The following MAP2K5 variants were observed in gnomAD, a reference collection of about 807,000 sequenced individuals.
MAP2K5 encodes mitogen-activated protein kinase kinase 5.
In MAP2K5, 49 loss-of-function variants were observed where a neutral mutation model predicts 83.1. The ratio of observed to expected loss-of-function variants is 0.59; its 90% CI spans 0.47 to 0.75. The LOEUF (loss-of-function observed/expected upper bound fraction) is 0.75. Among genes scored for constraint, MAP2K5 ranks in the 30% least tolerant of loss-of-function variants. The pLI, the probability that MAP2K5 is intolerant of heterozygous loss-of-function variation, is 0.00. For synonymous variants in MAP2K5, 202 were observed against 191.8 expected (o/e 1.05, Z -0.44); for missense variants, 457 against 557.5 (o/e 0.82, Z 1.82).
At chr15:67,695,308 AC>A (rs1182717596) in intron 15 of MAP2K5, among the ~76,000 whole-genome samples, 1 of 152,150 alleles carries the variant, frequency 6.6e-6, no homozygotes, top group Non-Finnish European at 1.5e-5. Context: ...CTTATTCTAA[AC>A]CTAATTCTAA....
chr15:67,694,306 T>C (rs1173869123), intron 15 of MAP2K5, among the ~76,000 whole-genome samples: 1 of 152,204 alleles, frequency 6.6e-6, no homozygotes, highest in Non-Finnish European at 1.5e-5. Context: ...CAAAGTTTTG[T>C]CTTCCTCTAA....
rs1304479318 is a variant in MAP2K5, at chr15:67,717,736, A to C, written c.1045-10180A>C. ...CAAGATGACTTCATATGCGTGTATGATGCTTTGGTGGGGATGGCCAGGAGT... is the reference window on the plus strand; with the variant it reads ...CAAGATGACTTCATATGCGTGTATGCTGCTTTGGTGGGGATGGCCAGGAGT... On this transcript the variant is annotated intron_variant, in intron 16 of 21. Transcript: ENST00000178640. The surrounding 1 kb of genome is among the most constrained non-coding windows in gnomAD (Gnocchi z 4.1). Among the ~76,000 whole-genome samples, 3 of 152,174 alleles carry C rather than the reference A, an allele frequency of 2.0e-5. No individual in the cohort carries two copies. Among genetic ancestry groups the C allele is most frequent in the Non-Finnish European group, 2.9e-5 (2 of 68,026 alleles).
intron 12 of MAP2K5, among the ~76,000 whole-genome samples, chr15:67,663,161 C>T (rs1307555936): frequency 6.6e-6 from 1 of 152,152 alleles, no homozygotes; most frequent in Non-Finnish European, 1.5e-5. Flanking sequence ...TTCCTAAGAA[C>T]AAACACATTA....
rs889990180 is a variant in MAP2K5, at chr15:67,556,885, T to G, written c.185-6398T>G. Reference sequence around the variant, plus strand: ...TTCTTAATTCTTGCACCATCTTCAGTTTATTTTGGTGAAATAAATCAGGTG... The same window carrying G: ...TTCTTAATTCTTGCACCATCTTCAGGTTATTTTGGTGAAATAAATCAGGTG... On this transcript the variant is annotated intron_variant, in intron 2 of 21. Coordinates refer to ENST00000178640, the MANE Select transcript of MAP2K5 (RefSeq NM_145160.3). 6.6e-5 allele frequency among the ~76,000 whole-genome samples: 10 copies of G among 152,328 alleles called. No individual in the cohort carries two copies. In the South Asian group the frequency reaches 1.9e-3, roughly 28 times the overall value.
chr15:67,726,732 T>C (rs1596865005), intron 16 of MAP2K5, among the ~76,000 whole-genome samples: 1 of 152,170 alleles, frequency 6.6e-6, no homozygotes, highest in East Asian at 1.9e-4. Flanking sequence ...ATCTTTGAAG[T>C]GGGTTGATGC....
intron 2 of MAP2K5, among the ~76,000 whole-genome samples, chr15:67,556,374 A>C (rs2084625072): frequency 1.3e-5 from 2 of 152,114 alleles, no homozygotes; most frequent in African/African-American, 4.8e-5. Context: ...GGTCTTCTAC[A>C]GTCCAGGATA....
Position 67,563,357 on chromosome 15 carries a change from A to T in MAP2K5, c.252+7A>T. The T allele has an allele frequency of 6.2e-7, 1 of 1,605,612 alleles. No individual in the cohort carries two copies. Among genetic ancestry groups the T allele is most frequent in the South Asian group, 1.1e-5 (1 of 89,276 alleles). On this transcript the variant is annotated splice_region_variant and intron_variant, in intron 3 of 21. Coordinates refer to ENST00000178640, the MANE Select transcript of MAP2K5 (RefSeq NM_145160.3). This position sits in a 1 kb window ranked among gnomAD's most constrained non-coding sequence, Gnocchi z 4.5. Reference sequence around the variant, plus strand: ...GAAGGCAATGCTGTCATATGTAAGTATACGACAAATGAAGACTATTTTTTA... The same window carrying T: ...GAAGGCAATGCTGTCATATGTAAGTTTACGACAAATGAAGACTATTTTTTA...
intron 13 of MAP2K5, among the ~76,000 whole-genome samples, chr15:67,682,185 GA>G (rs1269519542): frequency 4.1e-5 from 6 of 147,586 alleles, no homozygotes; most frequent in Non-Finnish European, 7.5e-5. Context: ...AAACAAACAA[GA>G]AAAAAAAATC....
intron 1 of MAP2K5, among the ~76,000 whole-genome samples, chr15:67,544,317 A>G (rs374023142): frequency 6.6e-6 from 1 of 152,248 alleles, no homozygotes; most frequent in African/African-American, 2.4e-5. Context: ...AAAGTAAGGG[A>G]AAATGTGCAT....
In MAP2K5 at chr15:67,801,150, A is replaced by G. The variant is rs969202469; in HGVS notation, c.1243-5496A>G. 5.9e-5 allele frequency among the ~76,000 whole-genome samples: 9 copies of G among 152,226 alleles called. No individual in the cohort carries two copies. Among genetic ancestry groups the G allele is most frequent in the African/African-American group, 1.9e-4 (8 of 41,458 alleles). Reference sequence around the variant, plus strand: ...TAGTGTGAGAAGGGACAGAAGTGTTATCACAGCCAAGCGGGCTGGAATCCT... The same window carrying G: ...TAGTGTGAGAAGGGACAGAAGTGTTGTCACAGCCAAGCGGGCTGGAATCCT... On this transcript the variant is annotated intron_variant, in intron 21 of 21. Transcript: ENST00000178640. This position sits in a 1 kb window ranked among gnomAD's most constrained non-coding sequence, Gnocchi z 4.8.
At chr15:67,653,888 C>G (rs974967385) in intron 11 of MAP2K5, among the ~76,000 whole-genome samples, 1 of 152,016 alleles carries the variant, frequency 6.6e-6, no homozygotes, top group African/African-American at 2.4e-5. Context: ...TTTCATTAAT[C>G]TCAAAGTATT....
intron 13 of MAP2K5, among the ~76,000 whole-genome samples, chr15:67,688,506 G>A (rs999002682): frequency 1.3e-5 from 2 of 152,122 alleles, no homozygotes; most frequent in Non-Finnish European, 2.9e-5. Flanking sequence ...TACTTACTGA[G>A]CTTTGGAAAT....
Position 67,548,946 on chromosome 15 carries a change from A to G in MAP2K5, c.136-1088A>G, listed in dbSNP as rs894118625. 2.9e-5 allele frequency: 33 copies of G among 1,154,680 alleles called. No individual in the cohort carries two copies. The South Asian group carries it at 4.3e-4, about 15-fold the overall frequency. The allele number at this position is 1,154,680 out of a possible 1,614,324, so 71.5% of individuals were successfully genotyped here. A position where few individuals can be genotyped will look rare whatever the true frequency, so the allele number is the denominator to read the frequency against. On this transcript the variant is annotated intron_variant, in intron 1 of 21. Transcript: ENST00000178640. ...AAAAAAGCACTATAGAGGCAAGACT[A>G]TTATGCAAATTGCCACTGCAGCAAA...
In MAP2K5 at chr15:67,664,649, T is replaced by A. The variant is rs780247988; in HGVS notation, c.847+4T>A. On this transcript the variant is annotated splice_donor_region_variant and intron_variant, in intron 13 of 21. Transcript: ENST00000178640. Reference sequence around the variant, plus strand: ...AGTTTAAAGATTTTACATAGAGGTATGTGCTGGGCTTATAAGCTTGGATTT... The same window carrying A: ...AGTTTAAAGATTTTACATAGAGGTAAGTGCTGGGCTTATAAGCTTGGATTT... 6 of 1,599,086 alleles carry A rather than the reference T, an allele frequency of 3.8e-6. No individual in the cohort carries two copies. The South Asian group carries it at 6.6e-5, about 18-fold the overall frequency.
chr15:67,633,699 A>G (rs1008324059), intron 9 of MAP2K5, among the ~76,000 whole-genome samples: 6 of 152,220 alleles, frequency 3.9e-5, no homozygotes, highest in Admixed American at 2.6e-4. Flanking sequence ...TCTAGATTCT[A>G]TAAAATATAG....
chr15:67,785,137 G>A lies in MAP2K5; in HGVS notation c.1242+12385G>A, dbSNP rs748446450. On this transcript the variant is annotated intron_variant, in intron 21 of 21. Transcript: ENST00000178640. This position sits in a 1 kb window ranked among gnomAD's most constrained non-coding sequence, Gnocchi z 4.4. Reference sequence around the variant, plus strand: ...TTTTTGTATTTTCAGTAGAGACGGGGTTTCCCCATGTTGCCCAGGCTGGTC... The same window carrying A: ...TTTTTGTATTTTCAGTAGAGACGGGATTTCCCCATGTTGCCCAGGCTGGTC... 6.6e-6 allele frequency among the ~76,000 whole-genome samples: 1 copy of A among 152,106 alleles called. No homozygotes were observed. The highest frequency in any genetic ancestry group is 2.4e-5 in the African/African-American group (1 of 41,414).
intron 7 of MAP2K5, among the ~76,000 whole-genome samples, chr15:67,600,325 G>T (rs185155732): frequency 6.6e-6 from 1 of 152,144 alleles, no homozygotes; most frequent in Non-Finnish European, 1.5e-5. Context: ...TCCTAAGTTT[G>T]ACTTTGGTTA....
Position 67,783,981 on chromosome 15 carries a change from A to C in MAP2K5, c.1242+11229A>C, listed in dbSNP as rs531446422. On this transcript the variant is annotated intron_variant, in intron 21 of 21. Transcript: ENST00000178640. This position sits in a 1 kb window ranked among gnomAD's most constrained non-coding sequence, Gnocchi z 5.1. ...ACAAACTTGAAGAGATTGAAGTAAC[A>C]ATTGCACCTAACTTGGGGCTGAAGA... is the stretch of plus-strand genomic sequence containing the variant. 1.4e-4 allele frequency among the ~76,000 whole-genome samples: 21 copies of C among 152,348 alleles called. No individual in the cohort carries two copies. Among genetic ancestry groups the C allele is most frequent in the South Asian group, 1.0e-3 (5 of 4,832 alleles).
chr15:67,669,937 C>G, intron 13 of MAP2K5, among the ~76,000 whole-genome samples: 1 of 152,060 alleles, frequency 6.6e-6, no homozygotes, highest in East Asian at 1.9e-4. Flanking sequence ...CAATCCCCTT[C>G]CTAGATATTT....
Sources: gnomAD v4.1 joint callset for allele counts (sites outside exome capture counted in the v4.1 genomes callset) on GRCh38, gnomAD v4.1.1 for gene constraint, Gnocchi (gnomAD v3.1) non-coding constraint, MANE v1.5 for transcripts, NCBI Gene and HGNC (gene_info 2026-07-23, HGNC 2026-07-21) for gene names.